Variants in DLEU7 observed in about 807,000 individuals in gnomAD.
DLEU7 encodes the protein leukemia-associated protein 7.
A neutral mutation model predicts 16.0 loss-of-function variants in DLEU7; 17 were observed. The ratio of observed to expected loss-of-function variants is 1.06; its 90% CI spans 0.73 to 1.59. The LOEUF (loss-of-function observed/expected upper bound fraction) is 1.59. DLEU7 is among the 40% of genes most tolerant of loss of function. The pLI, the probability that DLEU7 is intolerant of heterozygous loss-of-function variation, is 0.00. For synonymous variants in DLEU7, 113 were observed against 139.8 expected, an observed-to-expected ratio of 0.81 and a Z score of 1.35; for missense variants, 308 against 314.9, an observed-to-expected ratio of 0.98 and a Z score of 0.17.
chr13:50,722,353 T>C (rs1364259234), intron 1 of DLEU7, among the ~76,000 whole-genome samples: 2 of 152,238 alleles, frequency 1.3e-5, no homozygotes, highest in Non-Finnish European at 2.9e-5. Context: ...AAGATAGCCA[T>C]AAACTTCTTC....
intron 1 of DLEU7, among the ~76,000 whole-genome samples, chr13:50,757,799 T>G (rs1031831976): frequency 6.6e-6 from 1 of 152,204 alleles, no homozygotes; most frequent in South Asian, 2.1e-4. Flanking sequence ...AATGTGATGT[T>G]AGCAAAAGTG....
At chr13:50,803,678 T>C (rs1173402518) in intron 1 of DLEU7, among the ~76,000 whole-genome samples, 1 of 152,088 alleles carries the variant, frequency 6.6e-6, no homozygotes, top group Non-Finnish European at 1.5e-5. Context: ...ATTACTAAAA[T>C]TAATTTCTTT....
At chr13:50,778,286 C>G (rs1481393705) in intron 1 of DLEU7, among the ~76,000 whole-genome samples, 2 of 152,144 alleles carry the variant, frequency 1.3e-5, no homozygotes, top group Non-Finnish European at 2.9e-5. Flanking sequence ...ACAAAAACAG[C>G]ACAGGGCAAA....
At chr13:50,788,603 C>G (rs1875858943) in intron 1 of DLEU7, among the ~76,000 whole-genome samples, 1 of 152,100 alleles carries the variant, frequency 6.6e-6, no homozygotes, top group South Asian at 2.1e-4. Flanking sequence ...CCTAGAGTGA[C>G]AAGCAGAGTG....
At chr13:50,784,614 T>C (rs1875748467) in intron 1 of DLEU7, among the ~76,000 whole-genome samples, 1 of 152,174 alleles carries the variant, frequency 6.6e-6, no homozygotes. Context: ...TGGCAACCTG[T>C]CCTGGAGACA....
chr13:50,717,983 A>G (rs115098609), intron 1 of DLEU7, among the ~76,000 whole-genome samples: 1 of 152,214 alleles, frequency 6.6e-6, no homozygotes, highest in African/African-American at 2.4e-5. Flanking sequence ...CTTGCTGCTC[A>G]AAGTGCTTCT....
At chr13:50,809,794 GTC>G (rs1186255304) in intron 1 of DLEU7, among the ~76,000 whole-genome samples, 2 of 152,068 alleles carry the variant, frequency 1.3e-5, no homozygotes, top group Non-Finnish European at 2.9e-5. Context: ...CTCCTTAAGT[GTC>G]TTTGCAAAAA....
chr13:50,830,356 G>T (rs1038426655), intron 1 of DLEU7, among the ~76,000 whole-genome samples: 6 of 152,204 alleles, frequency 3.9e-5, no homozygotes, highest in Non-Finnish European at 5.9e-5. Context: ...TCCACCACAT[G>T]ACTGGATAAA....
rs1432093916 is a variant in DLEU7, at chr13:50,834,656, C to T, written c.459+8532G>A. On this transcript the variant is annotated intron_variant, in intron 1 of 1. Transcript: ENST00000504404. ...TGGTGATTCCTCAAGGATCTAGAAC[C>T]AGAAATACCATTAGACCCAGCAATC... 3.9e-5 allele frequency among the ~76,000 whole-genome samples: 6 copies of T among 152,116 alleles called. No homozygotes were observed. In the South Asian group the frequency reaches 1.0e-3, roughly 26 times the overall value.
chr13:50,802,869 C>T (rs547342824), intron 1 of DLEU7, among the ~76,000 whole-genome samples: 15 of 152,290 alleles, frequency 9.8e-5, no homozygotes, highest in African/African-American at 2.9e-4. Context: ...GCTATTTATA[C>T]TTATCTGTGC....
chr13:50,780,054 C>G (rs1021000912), intron 1 of DLEU7, among the ~76,000 whole-genome samples: 6 of 152,214 alleles, frequency 3.9e-5, no homozygotes, highest in African/African-American at 1.4e-4. Context: ...TTAGTAATAG[C>G]AAGTTCTTCC....
At chr13:50,738,518 T>C (rs1436602600) in intron 1 of DLEU7, among the ~76,000 whole-genome samples, 3 of 152,138 alleles carry the variant, frequency 2.0e-5, no homozygotes, top group Admixed American at 6.6e-5. Context: ...GCCCTCCTAC[T>C]GCTTTTGGTA....
At chr13:50,822,768 C>T, downstream of DLEU7, 1 of 985,656 alleles carries the variant, frequency 1.0e-6, no homozygotes, top group Non-Finnish European at 1.2e-6. Flanking sequence ...CTCTGCTCAA[C>T]AGTAAGTTAT....
intron 1 of DLEU7, among the ~76,000 whole-genome samples, chr13:50,738,315 G>T (rs1396427851): frequency 6.6e-6 from 1 of 152,138 alleles, no homozygotes; most frequent in Non-Finnish European, 1.5e-5. Context: ...AAAAACCTCA[G>T]CAGTAACCAC....
At chr13:50,768,179 G>A (rs1875176934) in intron 1 of DLEU7, among the ~76,000 whole-genome samples, 1 of 151,962 alleles carries the variant, frequency 6.6e-6, no homozygotes, top group African/African-American at 2.4e-5. Context: ...AATACTCTCA[G>A]GTTTTGTTTA....
At chr13:50,822,439 T>A (rs1408801442), downstream of DLEU7, among the ~76,000 whole-genome samples, 1 of 151,952 alleles carries the variant, frequency 6.6e-6, no homozygotes, top group Non-Finnish European at 1.5e-5. Flanking sequence ...CTCAACACAG[T>A]CATCATTGAA....
At chr13:50,841,319 C>T (rs1245044661) in intron 1 of DLEU7, among the ~76,000 whole-genome samples, 1 of 152,178 alleles carries the variant, frequency 6.6e-6, no homozygotes, top group African/African-American at 2.4e-5. Context: ...GCCTCAGTCC[C>T]TTTCAGTGCT....
intron 1 of DLEU7, among the ~76,000 whole-genome samples, chr13:50,791,029 C>T (rs548993491): frequency 6.6e-6 from 1 of 152,018 alleles, no homozygotes; most frequent in Non-Finnish European, 1.5e-5. Context: ...GTAAGAAGAC[C>T]GAGTGGGCGA....
chr13:50,843,815 G>A, upstream of DLEU7: 1 of 893,336 alleles, frequency 1.1e-6, no homozygotes, highest in Non-Finnish European at 1.6e-6. The surrounding 1 kb of genome is among the most constrained non-coding windows in gnomAD (Gnocchi z 5.7). Flanking sequence ...GGTGACCCGT[G>A]CTGGCCTCTG....
Sources: gnomAD v4.1 joint callset for allele counts (sites outside exome capture counted in the v4.1 genomes callset) on GRCh38, gnomAD v4.1.1 for gene constraint, Gnocchi (gnomAD v3.1) non-coding constraint, MANE v1.5 for transcripts, NCBI Gene and HGNC (gene_info 2026-07-23, HGNC 2026-07-21) for gene names.